Variants in MTERF3 observed in about 807,000 individuals in gnomAD.
MTERF3 encodes mitochondrial transcription termination factor 3, also known as transcription termination factor 3, mitochondrial.
MTERF3 carries 40 observed loss-of-function variants against 40.5 expected under a neutral mutation model. The observed-to-expected ratio is 0.99, with a 90% confidence interval of 0.77 to 1.29. MTERF3 has a LOEUF of 1.29. Among genes scored for constraint, MTERF3 ranks in the 50% most tolerant of loss-of-function variants. The pLI is 0.00. For synonymous variants in MTERF3, 158 were observed against 166.6 expected, an observed-to-expected ratio of 0.95 and a Z score of 0.40; for missense variants, 452 against 478.2, an observed-to-expected ratio of 0.95 and a Z score of 0.51.
chr8:96,240,983 A>T (rs1809916915), intron 7 of MTERF3, among the ~76,000 whole-genome samples: 1 of 152,224 alleles, frequency 6.6e-6, no homozygotes, highest in South Asian at 2.1e-4. Context: ...CTCCCTTCTC[A>T]GTCTCTGCTA....
intron 3 of MTERF3, among the ~76,000 whole-genome samples, chr8:96,252,245 T>C (rs1332011041): frequency 6.6e-6 from 1 of 152,152 alleles, no homozygotes; most frequent in African/African-American, 2.4e-5. Flanking sequence ...TCAATGAAGA[T>C]GAGAAACAGA....
intron 3 of MTERF3, among the ~76,000 whole-genome samples, chr8:96,253,843 T>A (rs10097551): frequency 0.92 from 133,652 of 145,272 alleles, 61,093 homozygotes; most frequent in South Asian, 0.95. Flanking sequence ...TCCCTCTATT[T>A]AAAAAAAAAA....
chr8:96,252,368 A>G (rs1810201731), intron 3 of MTERF3, among the ~76,000 whole-genome samples: 2 of 152,252 alleles, frequency 1.3e-5, no homozygotes, highest in African/African-American at 4.8e-5. Context: ...GAAAAAAATT[A>G]TCTTTATATC....
rs1809876864 is a variant in MTERF3, at chr8:96,239,417, G to A, written c.*74C>T. The A allele has an allele frequency of 2.6e-6, 3 of 1,174,618 alleles. No individual in the cohort carries two copies. Among genetic ancestry groups the A allele is most frequent in the African/African-American group, 3.2e-5 (2 of 62,376 alleles). The allele number at this position is 1,174,618 out of a possible 1,614,324, so 72.8% of individuals were successfully genotyped here. ...GTTTCCAATATCAGTTGAGACCCGA[G>A]GCATTTAAAAATATATTCATTTATT... On this transcript the variant is annotated 3_prime_UTR_variant, in exon 8 of 8. Coordinates refer to ENST00000287025, the MANE Select transcript of MTERF3 (RefSeq NM_015942.5).
chr8:96,254,622 C>A (rs906575435), intron 3 of MTERF3, among the ~76,000 whole-genome samples: 1 of 152,182 alleles, frequency 6.6e-6, no homozygotes, highest in East Asian at 1.9e-4. Flanking sequence ...TATAAATATA[C>A]CACATTTTCT....
At chr8:96,261,315 G>A (rs3808386) in intron 1 of MTERF3, among the ~76,000 whole-genome samples, 186 bp downstream of exon 1, 46,877 of 152,176 alleles carry the variant, frequency 0.31, 8,148 homozygotes, top group Non-Finnish European at 0.39. Flanking sequence ...GCGCTAATTA[G>A]CCAGCATGGT....
chr8:96,252,450 C>T (rs1002246741), intron 3 of MTERF3, among the ~76,000 whole-genome samples: 2 of 152,032 alleles, frequency 1.3e-5, no homozygotes, highest in Non-Finnish European at 2.9e-5. Context: ...AAAAAAATTA[C>T]GTTTAACTAC....
chr8:96,246,533 C>T, intron 4 of MTERF3, 79 bp from the exon 5 acceptor site: 2 of 1,277,640 alleles, frequency 1.6e-6, no homozygotes, highest in Non-Finnish European at 1.0e-6. Flanking sequence ...TGCTACTTCC[C>T]AAAGTAACAG....
Position 96,250,628 on chromosome 8 carries a change from A to C in MTERF3, c.677+278T>G, listed in dbSNP as rs955429305. On this transcript the variant is annotated intron_variant, in intron 4 of 7. Coordinates refer to ENST00000287025, the MANE Select transcript of MTERF3 (RefSeq NM_015942.5). ...GGGAGGCTGAGGCAGAAGAAGAAGAAGAAGAAGAAGAAGAAGAAGAAGAAG... is the reference window on the plus strand; with the variant it reads ...GGGAGGCTGAGGCAGAAGAAGAAGACGAAGAAGAAGAAGAAGAAGAAGAAG... Among the ~76,000 whole-genome samples, 22 of 19,218 alleles carry C rather than the reference A, an allele frequency of 1.1e-3. 1 individual carries two copies. The highest frequency in any genetic ancestry group is 7.1e-3 in the East Asian group (9 of 1,268). 12.6% of individuals were successfully genotyped at this position (19,218 alleles called of 152,430 possible). A position where few individuals can be genotyped will look rare whatever the true frequency, so the allele number is the denominator to read the frequency against.
rs895810385 is a variant in MTERF3, at chr8:96,251,354, T to C, written c.488-259A>G. Among the ~76,000 whole-genome samples, 5 of 152,230 alleles carry C rather than the reference T, an allele frequency of 3.3e-5. No homozygotes were observed. The East Asian group carries it at 5.8e-4, about 18-fold the overall frequency. On this transcript the variant is annotated intron_variant, in intron 3 of 7. Coordinates refer to ENST00000287025, the MANE Select transcript of MTERF3 (RefSeq NM_015942.5). ...CCCAAAACAAATTCACTAAGTCATA[T>C]TGGTGTAGGGTCATCATCTTTGTCT...
chr8:96,241,324 C>T (rs1809924409), intron 7 of MTERF3, among the ~76,000 whole-genome samples: 2 of 151,692 alleles, frequency 1.3e-5, no homozygotes, highest in African/African-American at 4.8e-5. Flanking sequence ...TCAGAAGAAT[C>T]ACTTGAACCC....
At chr8:96,260,048 A>C (rs1810353480) in intron 1 of MTERF3, 1 of 151,860 alleles carries the variant, frequency 6.6e-6, no homozygotes, top group African/African-American at 2.4e-5. Flanking sequence ...GGGATTACCC[A>C]CGCCCGCTAC....
chr8:96,260,364 G>C (rs988190566), intron 1 of MTERF3: 2 of 144,370 alleles, frequency 1.4e-5, no homozygotes, highest in Non-Finnish European at 3.0e-5. Context: ...GCACTAAATT[G>C]AAAGTCAGAA....
intron 4 of MTERF3, among the ~76,000 whole-genome samples, 166 bp downstream of exon 4, chr8:96,250,740 A>G (rs988950730): frequency 7.2e-6 from 1 of 139,088 alleles, no homozygotes; most frequent in Non-Finnish European, 1.6e-5. Flanking sequence ...CTTGAATGAA[A>G]GAACTGTTGT....
intron 3 of MTERF3, 40 bp downstream of exon 3, chr8:96,256,922 G>C: frequency 6.5e-7 from 1 of 1,546,698 alleles, no homozygotes; most frequent in Non-Finnish European, 8.7e-7. Flanking sequence ...AAGTAATGAA[G>C]AGTACATGCA....
chr8:96,258,622 A>G lies in MTERF3; in HGVS notation c.69T>C (p.Ala23=), dbSNP rs150185632. 9.3e-6 allele frequency: 15 copies of G among 1,614,066 alleles called. No individual in the cohort carries two copies. Among genetic ancestry groups the G allele is most frequent in the Middle Eastern group, 1.6e-4 (1 of 6,084 alleles). The part of the protein sequence containing the change: ...NSVKLRSLIN[A]AQLTKRFTRP... Reference sequence around the variant, plus strand: ...TAGTAAAACGTTTTGTGAGTTGTGCAGCATTAATGAGGCTCCTCAACTTAA... The same window carrying G: ...TAGTAAAACGTTTTGTGAGTTGTGCGGCATTAATGAGGCTCCTCAACTTAA... The change falls in exon 2 of 8, where the codon GCT becomes GCC. Residue 23 remains alanine, a synonymous_variant. Transcript: ENST00000287025.
chr8:96,250,656 GAAGAAGAAGAAGAAGAAGAAGA>G (rs1810148216), intron 4 of MTERF3, among the ~76,000 whole-genome samples: 1 of 29,234 alleles, frequency 3.4e-5, no homozygotes, highest in African/African-American at 1.3e-4. Context: ...AGAAGAAGAA[GAAGAAGAAGAAGAAGAAGAAGA>G]AGAAGGAGGA....
chr8:96,239,471 A>T lies in MTERF3; in HGVS notation c.*20T>A. ...ATATATATTCACTTTACAATACTGCATTTTAACATACATAAAAATCTAAAG... is the reference window on the plus strand; with the variant it reads ...ATATATATTCACTTTACAATACTGCTTTTTAACATACATAAAAATCTAAAG... On this transcript the variant is annotated 3_prime_UTR_variant, in exon 8 of 8. Coordinates refer to ENST00000287025, the MANE Select transcript of MTERF3 (RefSeq NM_015942.5). 6.5e-7 allele frequency: 1 copy of T among 1,539,400 alleles called. No individual in the cohort carries two copies. Among genetic ancestry groups the T allele is most frequent in the East Asian group, 2.3e-5 (1 of 43,902 alleles).
chr8:96,245,303 A>T (rs1810001083), intron 6 of MTERF3, among the ~76,000 whole-genome samples: 1 of 152,234 alleles, frequency 6.6e-6, no homozygotes, highest in African/African-American at 2.4e-5. Flanking sequence ...CTAACTAGTC[A>T]GCTGCTCTTG....
Sources: gnomAD v4.1 joint callset for allele counts (sites outside exome capture counted in the v4.1 genomes callset) on GRCh38, gnomAD v4.1.1 for gene constraint, MANE v1.5 for transcripts, NCBI Gene and HGNC (gene_info 2026-07-23, HGNC 2026-07-21) for gene names.